EXOC6B: variants seen among roughly 807,000 people sequenced by gnomAD.
The protein encoded by EXOC6B is SEC15 homolog B.
In EXOC6B, 54 loss-of-function variants were observed where a neutral mutation model predicts 113.5. The observed-to-expected ratio is 0.48, with a 90% CI of 0.38 to 0.60. The LOEUF is 0.60. EXOC6B is among the 20% of genes least tolerant of loss of function. The pLI is 0.00. For missense variants in EXOC6B, 797 were observed against 977.5 expected (o/e 0.82, Z 2.46); for synonymous variants, 357 against 339.0 (o/e 1.05, Z -0.58).
At chr2:72,211,754 G>T (rs55700162) in intron 20 of EXOC6B, among the ~76,000 whole-genome samples, 19,672 of 152,146 alleles carry the variant, frequency 0.13, 1,674 homozygotes, top group African/African-American at 0.24. Flanking sequence ...AAACCAATGT[G>T]ATTTTAGATA....
intron 8 of EXOC6B, among the ~76,000 whole-genome samples, chr2:72,529,675 C>T (rs1701899184): frequency 6.6e-6 from 1 of 152,160 alleles, no homozygotes; most frequent in Non-Finnish European, 1.5e-5. Flanking sequence ...GTTGCCAAGG[C>T]TGGTCTCAAA....
At chr2:72,672,009 C>T (rs192926742) in intron 6 of EXOC6B, among the ~76,000 whole-genome samples, 81 of 151,986 alleles carry the variant, frequency 5.3e-4, no homozygotes, top group Middle Eastern at 3.4e-3. Flanking sequence ...TCACCCCAAT[C>T]AGAATTACTT....
At chr2:72,480,871 G>T in intron 16 of EXOC6B, 121 bp from the exon 17 acceptor site, 1 of 974,368 alleles carries the variant, frequency 1.0e-6, no homozygotes, top group Non-Finnish European at 1.5e-6. Flanking sequence ...ATCCACATTC[G>T]GGCAAGGGGT....
intron 6 of EXOC6B, among the ~76,000 whole-genome samples, chr2:72,613,648 T>C (rs1671212194): frequency 6.6e-6 from 1 of 151,776 alleles, no homozygotes; most frequent in Admixed American, 6.6e-5. Flanking sequence ...ATTATGAAAC[T>C]AGCAACATAT....
chr2:72,488,122 T>C (rs181636393), intron 16 of EXOC6B, among the ~76,000 whole-genome samples: 2 of 152,220 alleles, frequency 1.3e-5, no homozygotes, highest in South Asian at 4.1e-4. Flanking sequence ...CTAAATCCAA[T>C]GGCAATTCTT....
At chr2:72,237,468 GAA>G (rs35814625) in intron 20 of EXOC6B, among the ~76,000 whole-genome samples, 1 of 151,802 alleles carries the variant, frequency 6.6e-6, no homozygotes, top group African/African-American at 2.4e-5. Flanking sequence ...ATATATCTAA[GAA>G]AAAAAATATG....
chr2:72,232,940 C>T (rs1271655140), intron 20 of EXOC6B, among the ~76,000 whole-genome samples: 1 of 151,514 alleles, frequency 6.6e-6, no homozygotes, highest in African/African-American at 2.4e-5. Context: ...GGTGTGGTTG[C>T]GGGTGCCTGT....
chr2:72,212,674 A>G (rs928648054), intron 20 of EXOC6B, among the ~76,000 whole-genome samples: 2 of 152,224 alleles, frequency 1.3e-5, no homozygotes, highest in African/African-American at 4.8e-5. Flanking sequence ...GCAGAGCTCA[A>G]GCCAAGGATA....
At chr2:72,297,133 T>C (rs546185943) in intron 20 of EXOC6B, among the ~76,000 whole-genome samples, 29 of 152,284 alleles carry the variant, frequency 1.9e-4, no homozygotes, top group African/African-American at 6.5e-4. Flanking sequence ...GATTATAATA[T>C]AGGTAAATAT....
At chr2:72,346,160 A>G (rs1031382850) in intron 19 of EXOC6B, among the ~76,000 whole-genome samples, 1 of 152,118 alleles carries the variant, frequency 6.6e-6, no homozygotes, top group East Asian at 1.9e-4. Flanking sequence ...GTATTTATAA[A>G]TTTTTTCTAA....
intron 1 of EXOC6B, among the ~76,000 whole-genome samples, chr2:72,806,776 T>A (rs141488710): frequency 1.3e-5 from 2 of 152,196 alleles, no homozygotes; most frequent in Admixed American, 1.3e-4. Context: ...ATTTCTCCAA[T>A]GATTAGTGAT....
rs543823493 is a variant in EXOC6B at position 72,530,513 on chromosome 2, A to G, written c.916-15387T>C. Among the ~76,000 whole-genome samples the G allele has an allele frequency of 2.6e-5, 4 of 152,246 alleles. No individual in the cohort carries two copies. In the South Asian group the frequency reaches 8.3e-4, roughly 32 times the overall value. On this transcript the variant is annotated intron_variant, in intron 8 of 21. Coordinates refer to ENST00000272427, the MANE Select transcript of EXOC6B (RefSeq NM_015189.3). ...GTTTGGCCGGGATATGCTCTGACTT[A>G]GTATGTTTTATGAGTGCTTGAAAAG...
chr2:72,333,062 G>A (rs1052707076), intron 20 of EXOC6B, among the ~76,000 whole-genome samples: 1 of 151,886 alleles, frequency 6.6e-6, no homozygotes, highest in Non-Finnish European at 1.5e-5. Context: ...ACAGGTATAA[G>A]TAGAAATTAG....
At position 72,179,155 on chromosome 2, in the gene EXOC6B, G is replaced by A; in HGVS notation, c.*180C>T. 1 of 655,302 alleles carries A rather than the reference G, an allele frequency of 1.5e-6. No homozygotes were observed. The allele number at this position is 655,302 out of a possible 1,614,324, so 40.6% of individuals were successfully genotyped here. ...CAGCCTAGCAACATCTCATGTACTT[G>A]CTTATTCTTGTGCCTCTTTTACTAT... On this transcript the variant is annotated 3_prime_UTR_variant, in exon 22 of 22. Transcript: ENST00000272427.
rs74669994 is a variant in EXOC6B at position 72,512,026 on chromosome 2, C to T, written c.1167+1106G>A. Among the ~76,000 whole-genome samples, 846 of 152,220 alleles carry T rather than the reference C, an allele frequency of 5.6e-3. 7 individuals are homozygous for T. The highest frequency in any genetic ancestry group is 0.02 in the African/African-American group (818 of 41,546). On this transcript the variant is annotated intron_variant, in intron 11 of 21. Coordinates refer to ENST00000272427, the MANE Select transcript of EXOC6B (RefSeq NM_015189.3). The stretch of plus-strand genomic sequence containing the variant: ...AAACACTTTGAGATAAGAGCCCTTG[C>T]ACTACTGTTCTTTAGGACTAAAATG...
chr2:72,633,076 A>C (rs1672581081), intron 6 of EXOC6B, among the ~76,000 whole-genome samples: 1 of 152,088 alleles, frequency 6.6e-6, no homozygotes, highest in Non-Finnish European at 1.5e-5. Flanking sequence ...TGTTTTTTCT[A>C]CTTTATATTA....
chr2:72,314,389 A>G (rs948656000), intron 20 of EXOC6B, among the ~76,000 whole-genome samples: 2 of 152,202 alleles, frequency 1.3e-5, no homozygotes, highest in African/African-American at 4.8e-5. Context: ...ACTGCTTGCA[A>G]ACATGTTCTA....
intron 1 of EXOC6B, among the ~76,000 whole-genome samples, chr2:72,755,096 A>G (rs948266604): frequency 1.3e-5 from 2 of 152,178 alleles, no homozygotes; most frequent in Non-Finnish European, 2.9e-5. Context: ...TTGACACTGT[A>G]TAAATTTGAA....
intron 6 of EXOC6B, among the ~76,000 whole-genome samples, chr2:72,596,347 G>C (rs1670077731): frequency 6.6e-6 from 1 of 152,052 alleles, no homozygotes; most frequent in South Asian, 2.1e-4. Flanking sequence ...CCCAGTAACA[G>C]GTAGGAAAAC....
Sources: gnomAD v4.1 joint callset for allele counts (sites outside exome capture counted in the v4.1 genomes callset) on GRCh38, gnomAD v4.1.1 for gene constraint, MANE v1.5 for transcripts, NCBI Gene and HGNC (gene_info 2026-07-23, HGNC 2026-07-21) for gene names.